Variants in TSC22D1 observed in about 807,000 individuals in gnomAD.
The protein encoded by TSC22D1 is TSC22 domain family member 1, also known as TSC22 domain family protein 1.
In TSC22D1, 9 loss-of-function variants were observed where a neutral mutation model predicts 74.2. That is an observed-to-expected ratio of 0.12 (90% CI 0.07 to 0.21). The LOEUF (loss-of-function observed/expected upper bound fraction) is 0.21. Among genes scored for constraint, TSC22D1 ranks in the 10% least tolerant of loss-of-function variants. The pLI is 1.00. For missense variants in TSC22D1, 1,427 were observed against 1,304.7 expected (o/e 1.09, Z -1.44); for synonymous variants, 586 against 492.5 (o/e 1.19, Z -2.51).
intron 1 of TSC22D1, among the ~76,000 whole-genome samples, chr13:44,465,054 C>T (rs9595129): frequency 0.017 from 2,656 of 152,290 alleles, 67 homozygotes; most frequent in African/African-American, 0.06. Flanking sequence ...TGACCCCCAC[C>T]GTGTTTTCTT....
At chr13:44,540,269 T>A (rs1416784699) in intron 1 of TSC22D1, among the ~76,000 whole-genome samples, 1 of 152,080 alleles carries the variant, frequency 6.6e-6, no homozygotes, top group Non-Finnish European at 1.5e-5. Context: ...CAACCTCAGA[T>A]ATATCAAAGG....
chr13:44,508,499 AC>A (rs1879540782), intron 1 of TSC22D1, among the ~76,000 whole-genome samples: 1 of 152,236 alleles, frequency 6.6e-6, no homozygotes, highest in African/African-American at 2.4e-5. Flanking sequence ...TAACACTGCC[AC>A]CTGGATAACA....
At chr13:44,505,225 T>A (rs572616859) in intron 1 of TSC22D1, among the ~76,000 whole-genome samples, 2 of 152,254 alleles carry the variant, frequency 1.3e-5, no homozygotes, top group South Asian at 4.1e-4. Context: ...AGCCAGGCGC[T>A]TGAGTCAGCC....
chr13:44,436,523 A>T, intron 1 of TSC22D1: 1 of 1,614,132 alleles, frequency 6.2e-7, no homozygotes, highest in East Asian at 2.2e-5. Flanking sequence ...AGTCTCACAG[A>T]AGCGTTTTCA....
chr13:44,438,857 A>G (rs749049942), intron 1 of TSC22D1, among the ~76,000 whole-genome samples: 8 of 152,176 alleles, frequency 5.3e-5, no homozygotes, highest in Non-Finnish European at 1.2e-4. Context: ...GTTATACCTA[A>G]AACTATTTGT....
chr13:44,442,098 T>C (rs369210314), intron 1 of TSC22D1, among the ~76,000 whole-genome samples: 1 of 152,224 alleles, frequency 6.6e-6, no homozygotes, highest in African/African-American at 2.4e-5. Context: ...CTAGGACTAA[T>C]TTAAGGGAAA....
In TSC22D1 at chr13:44,575,445, C is replaced by G; in HGVS notation, c.630G>C (p.Val210=). ...GGTGTGGATGAGCATTCCCATTGAT[C>G]ACAACATTCTGTTGTGGAAGGTGAG... is the stretch of plus-strand genomic sequence containing the variant. ...HLPHLPQQNV[V]INGNAHPHHL... The change falls in exon 1 of 3, where the codon GTG becomes GTC. Residue 210 remains valine, a synonymous_variant. Coordinates refer to ENST00000458659, the MANE Select transcript of TSC22D1 (RefSeq NM_183422.4). 1 of 1,614,014 alleles carries G rather than the reference C, an allele frequency of 6.2e-7. No homozygotes were observed. The highest frequency in any genetic ancestry group is 8.5e-7 in the Non-Finnish European group (1 of 1,179,986).
intron 1 of TSC22D1, among the ~76,000 whole-genome samples, chr13:44,451,191 G>C (rs1207614036): frequency 1.3e-5 from 2 of 152,186 alleles, no homozygotes; most frequent in African/African-American, 4.8e-5. Flanking sequence ...CTCACGAAAT[G>C]AGCCAATGGA....
intron 1 of TSC22D1, chr13:44,536,638 A>C: frequency 1.5e-6 from 1 of 687,298 alleles, no homozygotes; most frequent in Non-Finnish European, 1.8e-6. Context: ...GGGTAAAGGA[A>C]CTGTTTTTGG....
intron 1 of TSC22D1, among the ~76,000 whole-genome samples, chr13:44,546,922 C>A (rs1366634565): frequency 6.6e-6 from 1 of 151,998 alleles, no homozygotes; most frequent in African/African-American, 2.4e-5. Flanking sequence ...AGGGACACAC[C>A]ACCATGCTTG....
chr13:44,553,544 G>C (rs912616354), intron 1 of TSC22D1, among the ~76,000 whole-genome samples: 6 of 152,184 alleles, frequency 3.9e-5, no homozygotes, highest in African/African-American at 1.4e-4. Context: ...GCATGGAAGA[G>C]ATGGTCTTCA....
At chr13:44,543,616 G>T (rs1478282205) in intron 1 of TSC22D1, among the ~76,000 whole-genome samples, 6 of 152,220 alleles carry the variant, frequency 3.9e-5, no homozygotes, top group Non-Finnish European at 8.8e-5. Flanking sequence ...CAGAAGCAGT[G>T]TGTCTTTTAT....
chr13:44,535,591 T>C (rs1041948355), intron 1 of TSC22D1, among the ~76,000 whole-genome samples: 4 of 151,988 alleles, frequency 2.6e-5, no homozygotes, highest in African/African-American at 9.6e-5. Context: ...GTCACACTGC[T>C]TGTCATGTTT....
intron 1 of TSC22D1, among the ~76,000 whole-genome samples, chr13:44,441,294 A>T (rs9533851): frequency 0.075 from 11,413 of 152,310 alleles, 559 homozygotes; most frequent in Non-Finnish European, 0.1. Flanking sequence ...AACACATCTA[A>T]GCATTTGCAG....
At chr13:44,536,856 C>A (rs1881154490) in intron 1 of TSC22D1, 3 of 972,592 alleles carry the variant, frequency 3.1e-6, no homozygotes, top group African/African-American at 3.7e-5. Flanking sequence ...CAAAACAGAT[C>A]ACCTATTTCA....
intron 1 of TSC22D1, among the ~76,000 whole-genome samples, chr13:44,552,501 G>A (rs540561225): frequency 6.6e-6 from 1 of 152,244 alleles, no homozygotes; most frequent in African/African-American, 2.4e-5. Flanking sequence ...CTACCACATA[G>A]AAAGTCTATT....
chr13:44,523,035 GA>G lies in TSC22D1; in HGVS notation c.2912+50127del, dbSNP rs55966706. Among the ~76,000 whole-genome samples the G allele has an allele frequency of 8.7e-3, 1,157 of 133,170 alleles. 5 individuals carry two copies. The highest frequency in any genetic ancestry group is 0.013 in the Non-Finnish European group (803 of 60,958). 87.4% of individuals were successfully genotyped at this position (133,170 alleles called of 152,430 possible). On this transcript the variant is annotated intron_variant, in intron 1 of 2. Coordinates refer to ENST00000458659, the MANE Select transcript of TSC22D1 (RefSeq NM_183422.4). ...CAGATGTATCACCAAAGATAATAGA[GA>G]AAAAAAAAAAACATGAAATGGAGCT...
At chr13:44,497,982 T>A (rs1290377563) in intron 1 of TSC22D1, among the ~76,000 whole-genome samples, 1 of 151,756 alleles carries the variant, frequency 6.6e-6, no homozygotes, top group Non-Finnish European at 1.5e-5. Context: ...CCCCTTCCTA[T>A]CCCTCTGGGC....
chr13:44,501,507 T>C (rs1317833034), intron 1 of TSC22D1, among the ~76,000 whole-genome samples: 2 of 152,150 alleles, frequency 1.3e-5, no homozygotes, highest in African/African-American at 4.8e-5. Flanking sequence ...TCCCCTGGCA[T>C]TGAAATGGAA....
Sources: gnomAD v4.1 joint callset for allele counts (sites outside exome capture counted in the v4.1 genomes callset) on GRCh38, gnomAD v4.1.1 for gene constraint, MANE v1.5 for transcripts, NCBI Gene and HGNC (gene_info 2026-07-23, HGNC 2026-07-21) for gene names.